Variants in BLTP2 observed in about 807,000 individuals in gnomAD.
BLTP2 encodes U937-associated antigen.
At chr17:28,632,272 T>C in the BLTP2 span, 12 of 1,559,698 alleles carry the variant, frequency 7.7e-6, no homozygotes, top group South Asian at 4.6e-5. Flanking sequence ...TTCCTAGTTA[T>C]GGATGAAACA....
chr17:28,625,853 C>T, the BLTP2 span, among the ~76,000 whole-genome samples: 1 of 152,184 alleles, frequency 6.6e-6, no homozygotes, highest in South Asian at 2.1e-4. Context: ...GCAACCTCCA[C>T]CCCCAGGTTC....
At chr17:28,628,625 T>A in the BLTP2 span, 1 of 1,397,552 alleles carries the variant, frequency 7.2e-7, no homozygotes, top group Non-Finnish European at 9.9e-7. Context: ...GAGGCAGTGA[T>A]AAAAGTTTGT....
chr17:28,637,875 C>A, the BLTP2 span: 1 of 1,614,172 alleles, frequency 6.2e-7, no homozygotes, highest in Admixed American at 1.7e-5. Flanking sequence ...ATGTCTTCGA[C>A]CTTCAAGTCC....
the BLTP2 span, chr17:28,631,875 A>C: frequency 1.2e-6 from 2 of 1,614,198 alleles, no homozygotes; most frequent in Non-Finnish European, 1.7e-6. Flanking sequence ...GACTGCACTC[A>C]ATCTGGATGC....
chr17:28,633,084 G>A, the BLTP2 span: 2 of 1,591,890 alleles, frequency 1.3e-6, no homozygotes, highest in Admixed American at 3.5e-5. Context: ...GGTGATCATG[G>A]GGGTTCCCAT....
At chr17:28,625,334 C>CAAAAAAAAAAAAAAAAAAAAA in the BLTP2 span, among the ~76,000 whole-genome samples, 1 of 29,062 alleles carries the variant, frequency 3.4e-5, no homozygotes, top group Non-Finnish European at 6.6e-5. Flanking sequence ...GACTCCGTCT[C>CAAAAAAAAAAAAAAAAAAAAA]AAAAAAAAAA....
chr17:28,644,559 C>T, the BLTP2 span, among the ~76,000 whole-genome samples: 1 of 152,240 alleles, frequency 6.6e-6, no homozygotes, highest in Non-Finnish European at 1.5e-5. Flanking sequence ...CTGCTCCCAC[C>T]CTCCAGACAG....
the BLTP2 span, chr17:28,619,697 C>T: frequency 6.2e-7 from 1 of 1,614,024 alleles, no homozygotes; most frequent in Non-Finnish European, 8.5e-7. Context: ...TGCAGGTTGG[C>T]CTTCTCCTGG....
chr17:28,622,267 C>T, the BLTP2 span, among the ~76,000 whole-genome samples: 7 of 152,242 alleles, frequency 4.6e-5, no homozygotes, highest in Middle Eastern at 0.01. Flanking sequence ...CTGAATGAAC[C>T]ACAGCTCTTA....
At chr17:28,635,804 GA>G in the BLTP2 span, 1 of 555,220 alleles carries the variant, frequency 1.8e-6, no homozygotes. Context: ...GATAGTGTCT[GA>G]CATTTAAGAG....
the BLTP2 span, chr17:28,615,561 T>C: frequency 2.3e-5 from 34 of 1,448,132 alleles, no homozygotes; most frequent in Non-Finnish European, 3.2e-5. Context: ...ACCTGCCCCT[T>C]CCCAAGGATA....
At chr17:28,633,476 C>T in the BLTP2 span, 1 of 1,576,600 alleles carries the variant, frequency 6.3e-7, no homozygotes, top group Non-Finnish European at 8.7e-7. Flanking sequence ...GCACCTGTCT[C>T]TCTTCCCACA....
At chr17:28,637,707 G>A in the BLTP2 span, 9 of 783,838 alleles carry the variant, frequency 1.1e-5, no homozygotes, top group Admixed American at 2.5e-5. Context: ...AGTCTCGCTC[G>A]TTTGCCCAGG....
At chr17:28,637,571 A>C in the BLTP2 span, among the ~76,000 whole-genome samples, 1 of 152,248 alleles carries the variant, frequency 6.6e-6, no homozygotes, top group African/African-American at 2.4e-5. Flanking sequence ...CCTCTAATTT[A>C]GAAAAATTCC....
the BLTP2 span, among the ~76,000 whole-genome samples, chr17:28,627,166 C>T: frequency 7.2e-5 from 11 of 152,254 alleles, no homozygotes; most frequent in African/African-American, 2.4e-4. Flanking sequence ...CAATTGTTTT[C>T]GAGTGAGGGA....
chr17:28,631,329 G>C, the BLTP2 span: 411 of 701,360 alleles, frequency 5.9e-4, 3 homozygotes, highest in African/African-American at 5.3e-3. Flanking sequence ...TGCGGGCACC[G>C]TGATCTTGGA....
the BLTP2 span, among the ~76,000 whole-genome samples, chr17:28,617,934 T>C: frequency 6.8e-6 from 1 of 147,830 alleles, no homozygotes; most frequent in Admixed American, 6.7e-5. Flanking sequence ...CAATTTTCTT[T>C]TTTTTTTTTT....
At chr17:28,624,162 G>C in the BLTP2 span, 1 of 1,527,830 alleles carries the variant, frequency 6.5e-7, no homozygotes, top group Non-Finnish European at 8.9e-7. Context: ...TTCATATTTA[G>C]AGGTGGGGGA....
chr17:28,643,738 T>G, the BLTP2 span: 3 of 1,371,952 alleles, frequency 2.2e-6, no homozygotes, highest in Non-Finnish European at 3.1e-6. Context: ...GGAAATGTTC[T>G]GGATTATTAG....
Sources: gnomAD v4.1 joint callset for allele counts (sites outside exome capture counted in the v4.1 genomes callset) on GRCh38, gnomAD v4.1.1 for gene constraint, MANE v1.5 for transcripts, NCBI Gene and HGNC (gene_info 2026-07-23, HGNC 2026-07-21) for gene names.